Variants in MTHFS observed in about 807,000 individuals in gnomAD.
The protein encoded by MTHFS is 5-formyltetrahydrofolate cyclo-ligase.
In MTHFS, 7 loss-of-function variants were observed where a neutral mutation model predicts 12.7. The observed-to-expected ratio is 0.55, with a 90% confidence interval of 0.31 to 1.03. MTHFS has a LOEUF of 1.03. Ranked by LOEUF, MTHFS falls within the 50% of genes least tolerant of loss-of-function variation. The pLI, the probability that MTHFS is intolerant of heterozygous loss-of-function variation, is 0.05. For missense variants in MTHFS, 252 were observed against 258.1 expected (o/e 0.98, Z 0.16); for synonymous variants, 100 against 97.1 (o/e 1.03, Z -0.18).
At chr15:79,852,634 T>C (rs1256820078) in intron 2 of MTHFS, among the ~76,000 whole-genome samples, 1 of 152,188 alleles carries the variant, frequency 6.6e-6, no homozygotes, top group East Asian at 1.9e-4. Flanking sequence ...TAAAATTCTT[T>C]CTTTTAACAC....
rs1312877201 is a variant in MTHFS, at chr15:79,845,311, G to A, written c.511C>T (p.Leu171=). The change falls in exon 3 of 3, where the codon CTG becomes TTG. Residue 171 remains leucine, a synonymous_variant. Transcript: ENST00000258874. ...LQHQEVKPYT[L]ALAFKEQICL... ...ATCTGTTCTTTGAAAGCCAACGCCA[G>A]GGTGTAGGGCTTCACTTCCTGATGC... The A allele has an allele frequency of 2.5e-6, 4 of 1,614,176 alleles. No homozygotes were observed. The South Asian group carries it at 3.3e-5, about 13-fold the overall frequency.
chr15:79,892,392 A>G (rs559857980), intron 1 of MTHFS, among the ~76,000 whole-genome samples: 2 of 152,344 alleles, frequency 1.3e-5, no homozygotes, highest in South Asian at 4.1e-4. Context: ...TATTGATAAG[A>G]TAAACACATA....
At chr15:79,862,788 A>G (rs1254897915) in intron 2 of MTHFS, among the ~76,000 whole-genome samples, 1 of 152,170 alleles carries the variant, frequency 6.6e-6, no homozygotes. Flanking sequence ...AGTTTCAAAA[A>G]CATTTCACCT....
intron 2 of MTHFS, among the ~76,000 whole-genome samples, chr15:79,865,787 C>A (rs1365030427): frequency 6.6e-5 from 10 of 152,212 alleles, no homozygotes; most frequent in Admixed American, 6.5e-4. Flanking sequence ...AAAATAAATC[C>A]TTCATACAGT....
chr15:79,886,953 T>A (rs2034393090), intron 2 of MTHFS, among the ~76,000 whole-genome samples: 1 of 152,176 alleles, frequency 6.6e-6, no homozygotes, highest in Admixed American at 6.5e-5. Context: ...CTAAAAACCA[T>A]ACATAGGCCG....
At chr15:79,877,115 G>C (rs1381766780) in intron 2 of MTHFS, 1 of 151,860 alleles carries the variant, frequency 6.6e-6, no homozygotes, top group Non-Finnish European at 1.5e-5. Context: ...GGTTTGAGAT[G>C]ATGGAAGAAA....
chr15:79,871,978 A>T (rs1373380807), intron 2 of MTHFS, among the ~76,000 whole-genome samples: 2 of 151,554 alleles, frequency 1.3e-5, no homozygotes, highest in African/African-American at 4.8e-5. Flanking sequence ...GGTGGTGGCC[A>T]CCTGTAATCC....
At chr15:79,889,761 A>G (rs531370509) in intron 1 of MTHFS, among the ~76,000 whole-genome samples, 1 of 151,794 alleles carries the variant, frequency 6.6e-6, no homozygotes, top group Admixed American at 6.6e-5. Context: ...AAGCTTCTCC[A>G]CTCCTTGGAT....
intron 2 of MTHFS, among the ~76,000 whole-genome samples, chr15:79,857,017 CAG>C (rs2033819135): frequency 2.2e-5 from 3 of 138,972 alleles, no homozygotes; most frequent in Middle Eastern, 3.6e-3. Flanking sequence ...TTTTTTGAGA[CAG>C]AGTTTCGCTC....
intron 2 of MTHFS, among the ~76,000 whole-genome samples, chr15:79,865,014 T>A (rs1441319964): frequency 6.6e-6 from 1 of 152,224 alleles, no homozygotes; most frequent in Non-Finnish European, 1.5e-5. Flanking sequence ...CTTCCAAATA[T>A]TGTGATGTGT....
intron 1 of MTHFS, among the ~76,000 whole-genome samples, chr15:79,890,207 CTTTTT>C (rs71150999): frequency 3.0e-5 from 3 of 100,694 alleles, no homozygotes; most frequent in African/African-American, 7.4e-5. Flanking sequence ...CTCTTTTTTC[CTTTTT>C]TTTTTTTTTT....
intron 2 of MTHFS, among the ~76,000 whole-genome samples, chr15:79,857,523 C>T (rs1244823067): frequency 6.6e-6 from 1 of 152,154 alleles, no homozygotes; most frequent in Non-Finnish European, 1.5e-5. Flanking sequence ...GGACTCATAG[C>T]CCAGCTAATA....
At chr15:79,846,160 C>T (rs779717349) in intron 2 of MTHFS, among the ~76,000 whole-genome samples, 17 of 152,324 alleles carry the variant, frequency 1.1e-4, no homozygotes, top group Admixed American at 1.3e-4. Flanking sequence ...GCTATAAAAA[C>T]CCAACTGCAG....
chr15:79,863,773 A>G (rs1449859816), intron 2 of MTHFS, among the ~76,000 whole-genome samples: 6 of 152,240 alleles, frequency 3.9e-5, no homozygotes, highest in African/African-American at 1.4e-4. Flanking sequence ...CATATGGCAT[A>G]TGCGGCAGGA....
chr15:79,873,192 G>GTAGTGGT (rs1376532709), intron 2 of MTHFS, among the ~76,000 whole-genome samples: 3 of 152,156 alleles, frequency 2.0e-5, no homozygotes, highest in African/African-American at 7.2e-5. Flanking sequence ...GATATATGAT[G>GTAGTGGT]TAGTGGTTTA....
At chr15:79,878,363 G>C in intron 2 of MTHFS, among the ~76,000 whole-genome samples, 1 of 151,612 alleles carries the variant, frequency 6.6e-6, no homozygotes, top group Non-Finnish European at 1.5e-5. Flanking sequence ...CTTCTAAAAG[G>C]GGATGGGCTA....
intron 2 of MTHFS, among the ~76,000 whole-genome samples, chr15:79,866,190 G>A (rs2034007982): frequency 6.6e-6 from 1 of 152,228 alleles, no homozygotes; most frequent in South Asian, 2.1e-4. Context: ...TGAATAAAAG[G>A]ATCTGTGTTT....
At chr15:79,888,175 G>C (rs2034412230) in intron 2 of MTHFS, among the ~76,000 whole-genome samples, 2 of 152,120 alleles carry the variant, frequency 1.3e-5, no homozygotes, top group African/African-American at 4.8e-5. Context: ...CCAAGCAGCT[G>C]TTGGCCAGAG....
intron 2 of MTHFS, among the ~76,000 whole-genome samples, chr15:79,862,253 C>A (rs1044699797): frequency 6.6e-6 from 1 of 152,082 alleles, no homozygotes; most frequent in African/African-American, 2.4e-5. Context: ...TTCCCACCCC[C>A]AAAAAACTAA....
Sources: allele counts gnomAD v4.1 joint callset (sites outside exome capture counted in the v4.1 genomes callset), GRCh38; gene constraint gnomAD v4.1.1; transcripts MANE v1.5; gene names NCBI Gene and HGNC (gene_info 2026-07-23, HGNC 2026-07-21).